The following TDP1 variants were observed in gnomAD, a reference collection of about 807,000 sequenced individuals.
TDP1 encodes the protein tyr-DNA phosphodiesterase 1.
TDP1 carries 64 observed loss-of-function variants against 81.5 expected under a neutral mutation model. That is an observed-to-expected ratio of 0.79 (90% confidence interval 0.64 to 0.97). The LOEUF (loss-of-function observed/expected upper bound fraction) is 0.97, where lower values mean the gene tolerates loss of function less well. TDP1 is among the 50% of genes least tolerant of loss of function. The probability of loss-of-function intolerance (pLI) is 0.00; values close to 1 mark genes in which losing one functional copy is unlikely to be tolerated. For synonymous variants in TDP1, 256 were observed against 264.3 expected, an observed-to-expected ratio of 0.97 and a Z score of 0.30; for missense variants, 723 against 743.8, an observed-to-expected ratio of 0.97 and a Z score of 0.33.
chr14:89,976,525 CT>C (rs1894340041), intron 7 of TDP1, among the ~76,000 whole-genome samples: 2 of 135,534 alleles, frequency 1.5e-5, no homozygotes, highest in Non-Finnish European at 3.1e-5. Flanking sequence ...CTCAACAGAG[CT>C]CTTTTTTTTT....
chr14:89,971,509 C>T (rs1367325089), intron 6 of TDP1, among the ~76,000 whole-genome samples: 1 of 152,196 alleles, frequency 6.6e-6, no homozygotes, highest in East Asian at 1.9e-4. Flanking sequence ...AATTTCTACT[C>T]ATTGGTCTTA....
intron 3 of TDP1, chr14:89,964,776 A>G (rs1892741790): frequency 5.3e-6 from 2 of 373,986 alleles, no homozygotes; most frequent in Non-Finnish European, 1.0e-5. Flanking sequence ...ATAATAAAAT[A>G]ACCGGCAATT....
intron 15 of TDP1, among the ~76,000 whole-genome samples, chr14:90,024,613 A>G (rs1886444042): frequency 1.3e-5 from 2 of 152,192 alleles, no homozygotes; most frequent in African/African-American, 2.4e-5. Flanking sequence ...TATGTTCACA[A>G]ACTGTGTTGT....
At chr14:89,986,391 A>G (rs1206955768) in intron 10 of TDP1, among the ~76,000 whole-genome samples, 2 of 152,250 alleles carry the variant, frequency 1.3e-5, no homozygotes, top group African/African-American at 4.8e-5. Context: ...TGTGAGGATT[A>G]AATGAAATGA....
At chr14:89,980,290 G>A (rs1230033513) in intron 7 of TDP1, 1 of 985,304 alleles carries the variant, frequency 1.0e-6, no homozygotes, top group African/African-American at 1.7e-5. Context: ...GATGTGAAGT[G>A]CCAGGACTGG....
At chr14:90,033,690 C>A in intron 16 of TDP1, 1 of 188,798 alleles carries the variant, frequency 5.3e-6, no homozygotes, top group Non-Finnish European at 1.1e-5. Flanking sequence ...CACTTTCACA[C>A]CATCATAAAG....
rs377608038 is a variant in TDP1, at chr14:89,963,196, C to T, written c.82C>T (p.Pro28Ser). The T allele has an allele frequency of 1.2e-6, 2 of 1,613,996 alleles. No individual in the cohort carries two copies. The highest frequency in any genetic ancestry group is 1.7e-6 in the Non-Finnish European group (2 of 1,180,032). The stretch of plus-strand genomic sequence containing the variant: ...GGAAGAAAAGCCAAAACCAGACAAG[C>T]CATCTACCTCTTCTCTTCTCTGTGC... ...SEEEKPKPDKPSTSSLLCARQ... is the reference protein window; with the variant it reads ...SEEEKPKPDKSSTSSLLCARQ... The change falls in exon 3 of 17, where the codon CCA (proline) becomes TCA (serine). Residue 28 changes from proline (P) to serine (S), a missense_variant. By Grantham distance (74) the Pro-to-Ser change is moderately conservative. Coordinates refer to ENST00000335725, the MANE Select transcript of TDP1 (RefSeq NM_018319.4).
In TDP1 at chr14:89,979,626, A is replaced by G. The variant is rs1245285500; in HGVS notation, c.792-914A>G. ...GCCTGGCAGCAAAATGTATTTTTGCATTTCACTCACAATAGTCCTGAAGTG... is the reference window on the plus strand; with the variant it reads ...GCCTGGCAGCAAAATGTATTTTTGCGTTTCACTCACAATAGTCCTGAAGTG... On this transcript the variant is annotated intron_variant, in intron 7 of 16. Coordinates refer to ENST00000335725, the MANE Select transcript of TDP1 (RefSeq NM_018319.4). 4.6e-5 allele frequency among the ~76,000 whole-genome samples: 7 copies of G among 152,148 alleles called. No homozygotes were observed. In the East Asian group the frequency reaches 9.6e-4, roughly 21 times the overall value.
At chr14:90,018,908 T>C (rs1885633995) in intron 14 of TDP1, 2 of 942,096 alleles carry the variant, frequency 2.1e-6, no homozygotes, top group Non-Finnish European at 2.5e-6. Flanking sequence ...AAAAAGGAAA[T>C]ATGAAGCTTA....
rs2140364476 is a variant in TDP1, at chr14:90,043,337, CTTAA to C, written c.*197_*200del. ...AACATTCCTAATAAAGTATTAGTTT[CTTAA>C]TTCACTTTTATATGTTTTGGAAAGA... On this transcript the variant is annotated 3_prime_UTR_variant, in exon 17 of 17. Coordinates refer to ENST00000335725, the MANE Select transcript of TDP1 (RefSeq NM_018319.4). The C allele has an allele frequency of 3.0e-6, 2 of 661,060 alleles. No individual in the cohort carries two copies. Among genetic ancestry groups the C allele is most frequent in the East Asian group, 5.5e-5 (2 of 36,464 alleles). 40.9% of individuals were successfully genotyped at this position (661,060 alleles called of 1,614,324 possible).
In TDP1 at chr14:89,989,102, T is replaced by C; in HGVS notation, c.1317+12T>C. On this transcript the variant is annotated intron_variant, in intron 11 of 16. Coordinates refer to ENST00000335725, the MANE Select transcript of TDP1 (RefSeq NM_018319.4). The stretch of plus-strand genomic sequence containing the variant: ...TTCCTCTTTACTTGGTGAGTTCTCG[T>C]CCTCATTGAGGTAGTTTACTTTTAT... 6.2e-7 allele frequency: 1 copy of C among 1,611,880 alleles called. No individual in the cohort carries two copies. Among genetic ancestry groups the C allele is most frequent in the South Asian group, 1.1e-5 (1 of 91,044 alleles).
intron 14 of TDP1, among the ~76,000 whole-genome samples, chr14:90,018,071 CT>C (rs77303840): frequency 0.09 from 12,861 of 143,560 alleles, 1,021 homozygotes; most frequent in African/African-American, 0.23. Flanking sequence ...CCTTAACAAA[CT>C]TTTTTTTTTT....
At chr14:89,978,142 T>TC (rs1894563815) in intron 7 of TDP1, among the ~76,000 whole-genome samples, 1 of 151,908 alleles carries the variant, frequency 6.6e-6, no homozygotes, top group African/African-American at 2.4e-5. Context: ...AGGCCATGTC[T>TC]CCCCCCACCT....
chr14:90,015,915 G>C (rs76972377), intron 14 of TDP1, among the ~76,000 whole-genome samples: 8,227 of 152,142 alleles, frequency 0.054, 371 homozygotes, highest in African/African-American at 0.12. Flanking sequence ...CCTAACACTC[G>C]GTAATGGTCA....
chr14:90,020,943 C>T (rs1333695310), intron 15 of TDP1, among the ~76,000 whole-genome samples: 1 of 151,426 alleles, frequency 6.6e-6, no homozygotes, highest in Non-Finnish European at 1.5e-5. Context: ...CTACAGGCGC[C>T]TGCCACCACG....
At chr14:89,964,434 C>G (rs1022956693) in intron 3 of TDP1, among the ~76,000 whole-genome samples, 1 of 152,114 alleles carries the variant, frequency 6.6e-6, no homozygotes, top group African/African-American at 2.4e-5. Context: ...ACTGGAAATG[C>G]AGAAAAATGG....
upstream of TDP1, chr14:89,955,798 C>G (rs1018984906): frequency 6.8e-6 from 1 of 147,122 alleles, no homozygotes; most frequent in African/African-American, 2.7e-5. Context: ...TTCCCCAGCC[C>G]CGTCCTGGGT....
chr14:90,013,579 G>A (rs1465473999), intron 14 of TDP1, among the ~76,000 whole-genome samples: 2 of 152,060 alleles, frequency 1.3e-5, no homozygotes, highest in Non-Finnish European at 2.9e-5. Context: ...CCTTTCCTTT[G>A]TAAATTATCC....
At chr14:90,001,812 T>C (rs572928242) in intron 14 of TDP1, among the ~76,000 whole-genome samples, 59 of 152,274 alleles carry the variant, frequency 3.9e-4, no homozygotes, top group African/African-American at 1.3e-3. Context: ...CATGGCGCCT[T>C]TTGCTTGGTC....
Sources: allele counts gnomAD v4.1 joint callset (sites outside exome capture counted in the v4.1 genomes callset), GRCh38; gene constraint gnomAD v4.1.1; transcripts MANE v1.5; gene names NCBI Gene and HGNC (gene_info 2026-07-23, HGNC 2026-07-21).